CYP4F11: variants seen among roughly 807,000 people sequenced by gnomAD.
CYP4F11 encodes cytochrome P450 4F11.
In CYP4F11, 79 loss-of-function variants were observed where a neutral mutation model predicts 62.2. The ratio of observed to expected loss-of-function variants is 1.27; its 90% CI spans 1.06 to 1.53. The LOEUF is 1.53. Among genes scored for constraint, CYP4F11 ranks in the 40% most tolerant of loss-of-function variants. The probability of loss-of-function intolerance (pLI) is 0.00; values close to 1 mark genes in which losing one functional copy is unlikely to be tolerated. For missense variants in CYP4F11, 777 were observed against 680.5 expected (o/e 1.14, Z -1.58); for synonymous variants, 290 against 263.7 (o/e 1.10, Z -0.97).
chr19:15,934,020 G>T (rs2089753908), intron 1 of CYP4F11, among the ~76,000 whole-genome samples, 191 bp downstream of exon 1: 1 of 114,576 alleles, frequency 8.7e-6, no homozygotes, highest in African/African-American at 3.1e-5. Flanking sequence ...GAATGAGTGA[G>T]TGGGCAGAGG....
At chr19:15,928,283 C>T (rs2089685248) in intron 2 of CYP4F11, among the ~76,000 whole-genome samples, 1 of 152,182 alleles carries the variant, frequency 6.6e-6, no homozygotes, top group Non-Finnish European at 1.5e-5. Context: ...CACATGATGA[C>T]TTCTGTATAT....
intron 1 of CYP4F11, among the ~76,000 whole-genome samples, chr19:15,930,345 C>T (rs1036769142): frequency 6.6e-6 from 1 of 152,084 alleles, no homozygotes; most frequent in African/African-American, 2.4e-5. Flanking sequence ...AATCCCAGCA[C>T]TTTGGGAGGC....
At chr19:15,920,516 G>A (rs1016068575) in intron 8 of CYP4F11, among the ~76,000 whole-genome samples, 2 of 152,126 alleles carry the variant, frequency 1.3e-5, no homozygotes, top group Non-Finnish European at 2.9e-5. Flanking sequence ...TGAAATCTTG[G>A]TTTTAAAAGC....
Position 15,934,317 on chromosome 19 carries a change from A to G in CYP4F11, c.92T>C (p.Leu31Pro), listed in dbSNP as rs748759465. 1.4e-5 allele frequency: 23 copies of G among 1,612,902 alleles called. 1 individual carries two copies. The highest frequency in any genetic ancestry group is 1.2e-4 in the South Asian group (11 of 91,018). The change falls in exon 1 of 12, where the codon CTG becomes CCG. Residue 31 changes from leucine (L) to proline (P), a missense_variant. By Grantham distance (98) the Leu-to-Pro change is moderately conservative. Transcript: ENST00000402119. ...GTAGGTCCAGGCCAGGACGCGGGCC[A>G]GGAGCCAGGAGCCTCCAACCAGCAG... Reference protein sequence around the residue: ...LLLLVGGSWLLARVLAWTYTF... With the variant: ...LLLLVGGSWLPARVLAWTYTF...
chr19:15,913,936 C>T (rs746582758), intron 11 of CYP4F11, 27 bp from the exon 12 acceptor site: 6 of 1,593,936 alleles, frequency 3.8e-6, no homozygotes, highest in Non-Finnish European at 5.1e-6. Context: ...GGGAATCTGA[C>T]TGTGCCCATG....
At chr19:15,931,581 C>CGAGGAGAGGAATGA (rs2089721464) in intron 1 of CYP4F11, among the ~76,000 whole-genome samples, 1 of 55,778 alleles carries the variant, frequency 1.8e-5, no homozygotes. Context: ...AATGAGTGAG[C>CGAGGAGAGGAATGA]GAGGAGAGGA....
chr19:15,929,402 C>T, intron 2 of CYP4F11, 55 bp downstream of exon 2: 2 of 1,611,340 alleles, frequency 1.2e-6, no homozygotes, highest in Non-Finnish European at 1.7e-6. Context: ...AGGGGAGAGG[C>T]TAGAAGGCCT....
intron 4 of CYP4F11, among the ~76,000 whole-genome samples, chr19:15,926,323 C>T (rs1030077229): frequency 1.3e-5 from 2 of 152,114 alleles, no homozygotes; most frequent in African/African-American, 4.8e-5. Context: ...CTTGCTATGC[C>T]GTGAGTAATA....
chr19:15,913,793 A>G lies in CYP4F11; in HGVS notation c.1514T>C (p.Ile505Thr). Residue 505 changes from isoleucine to threonine, a missense_variant, in exon 12 of 12, where the codon ATA becomes ACA. Physicochemically the swap from Ile to Thr is moderately conservative, Grantham distance 89. Coordinates refer to ENST00000402119, the MANE Select transcript of CYP4F11 (RefSeq NM_021187.4). ...CCAAAGTCCACCCTCTGCGCGCAAT[A>G]TCAGCTCGGGTTTCCTGCGGGGTTC... ...HTEPRRKPEL[I>T]LRAEGGLWLR... The G allele has an allele frequency of 6.2e-7, 1 of 1,614,170 alleles. No homozygotes were observed. Among genetic ancestry groups the G allele is most frequent in the Non-Finnish European group, 8.5e-7 (1 of 1,180,032 alleles).
At chr19:15,913,992 C>T in intron 11 of CYP4F11, 83 bp from the exon 12 acceptor site, 3 of 1,486,830 alleles carry the variant, frequency 2.0e-6, no homozygotes, top group Non-Finnish European at 2.7e-6. Context: ...CCTGGGACCC[C>T]AAACGCACCC....
intron 11 of CYP4F11, 52 bp downstream of exon 11, chr19:15,914,253 G>A (rs957936203): frequency 6.4e-7 from 1 of 1,564,432 alleles, no homozygotes; most frequent in Non-Finnish European, 8.7e-7. Context: ...CCCCCTTTTT[G>A]GACCCCTGCA....
At chr19:15,922,885 C>A (rs1468471110) in intron 6 of CYP4F11, among the ~76,000 whole-genome samples, 1 of 128,666 alleles carries the variant, frequency 7.8e-6, no homozygotes, top group African/African-American at 2.6e-5. Context: ...GAAACCCCGT[C>A]CCTACTAAAA....
In CYP4F11 at chr19:15,929,708, T is replaced by C. The variant is rs942163159; in HGVS notation, c.199-107A>G. 4.0e-5 allele frequency: 51 copies of C among 1,280,916 alleles called. No individual in the cohort carries two copies. In the African/African-American group the frequency reaches 5.1e-4, roughly 13 times the overall value. 79.3% of individuals were successfully genotyped at this position (1,280,916 alleles called of 1,614,324 possible). A position where few individuals can be genotyped will look rare whatever the true frequency, so the allele number is the denominator to read the frequency against. ...AGCCAAGAGATGCCCAGATAAAACATGCTGGTAAAACATTATTTCTGGATG... is the reference window on the plus strand; with the variant it reads ...AGCCAAGAGATGCCCAGATAAAACACGCTGGTAAAACATTATTTCTGGATG... On this transcript the variant is annotated intron_variant, in intron 1 of 11. Coordinates refer to ENST00000402119, the MANE Select transcript of CYP4F11 (RefSeq NM_021187.4).
At chr19:15,915,009 A>T (rs1001782972) in intron 8 of CYP4F11, 114 bp from the exon 9 acceptor site, 3 of 1,481,864 alleles carry the variant, frequency 2.0e-6, no homozygotes, top group Non-Finnish European at 9.0e-7. Flanking sequence ...TTCCACATGG[A>T]TGAAATACTG....
Position 15,912,725 on chromosome 19 carries a change from G to GTGTGTGTA in CYP4F11, c.*1006_*1007insTACACACA, listed in dbSNP as rs2089543752. 1.2e-5 allele frequency: 1 copy of GTGTGTGTA among 81,380 alleles called. No individual in the cohort carries two copies. The highest frequency in any genetic ancestry group is 1.5e-4 in the Admixed American group (1 of 6,854). 5.0% of individuals were successfully genotyped at this position (81,380 alleles called of 1,614,324 possible). A position where few individuals can be genotyped will look rare whatever the true frequency, so the allele number is the denominator to read the frequency against. ...TGTGTGTGTGTGTGTGTGTGTGTGTGTGTGTGTGTATATGTATATATGTGT... is the reference window on the plus strand; with the variant it reads ...TGTGTGTGTGTGTGTGTGTGTGTGTGTGTGTGTATGTGTGTGTATATGTATATATGTGT... On this transcript the variant is annotated 3_prime_UTR_variant, in exon 12 of 12. Coordinates refer to ENST00000402119, the MANE Select transcript of CYP4F11 (RefSeq NM_021187.4).
chr19:15,928,511 C>T (rs2089686645), intron 2 of CYP4F11, among the ~76,000 whole-genome samples: 1 of 152,166 alleles, frequency 6.6e-6, no homozygotes, highest in Non-Finnish European at 1.5e-5. Context: ...ACACCTGGAT[C>T]CAACCATGCC....
chr19:15,914,530 G>A, intron 10 of CYP4F11, 72 bp downstream of exon 10: 2 of 1,592,046 alleles, frequency 1.3e-6, no homozygotes, highest in Non-Finnish European at 8.6e-7. Context: ...GATTTTCCTG[G>A]TCAAAACCCT....
rs774624106 is a variant in CYP4F11, at chr19:15,934,231, A to T, written c.178T>A (p.Phe60Ile). The change falls in exon 1 of 12, where the codon TTT becomes ATT. Residue 60 changes from phenylalanine to isoleucine, a missense_variant. Transcript: ENST00000402119. ...CFPQPPKQNWFWGHQGLVTPT... is the reference protein window; with the variant it reads ...CFPQPPKQNWIWGHQGLVTPT... ...CTCACCAGGCCCTGGTGTCCCCAAAACCAGTTCTGTTTCGGGGGTTGAGGA... is the reference window on the plus strand; with the variant it reads ...CTCACCAGGCCCTGGTGTCCCCAAATCCAGTTCTGTTTCGGGGGTTGAGGA... The T allele has an allele frequency of 6.2e-7, 1 of 1,613,156 alleles. No individual in the cohort carries two copies. The highest frequency in any genetic ancestry group is 8.5e-7 in the Non-Finnish European group (1 of 1,179,570).
At chr19:15,930,004 T>A (rs2089698924) in intron 1 of CYP4F11, among the ~76,000 whole-genome samples, 1 of 152,218 alleles carries the variant, frequency 6.6e-6, no homozygotes, top group Non-Finnish European at 1.5e-5. Context: ...ATGGGACTTC[T>A]TGTCCTCCAT....
Sources: allele counts gnomAD v4.1 joint callset (sites outside exome capture counted in the v4.1 genomes callset), GRCh38; gene constraint gnomAD v4.1.1; transcripts MANE v1.5; gene names NCBI Gene and HGNC (gene_info 2026-07-23, HGNC 2026-07-21).